The following NKAIN2 variants were observed in gnomAD, a reference collection of about 807,000 sequenced individuals.
NKAIN2 encodes the protein sodium/potassium-transporting ATPase subunit beta-1-interacting protein 2.
In NKAIN2, 14 loss-of-function variants were observed where a neutral mutation model predicts 32.6. The ratio of observed to expected loss-of-function variants is 0.43; its 90% CI spans 0.28 to 0.67. The LOEUF is 0.67. Ranked by LOEUF, NKAIN2 falls within the 30% of genes least tolerant of loss-of-function variation. The probability of loss-of-function intolerance (pLI) is 0.17; values close to 1 mark genes in which losing one functional copy is unlikely to be tolerated. For missense variants in NKAIN2, 198 were observed against 258.3 expected (o/e 0.77, Z 1.60); for synonymous variants, 80 against 87.2 (o/e 0.92, Z 0.46).
chr6:124,030,319 T>G (rs1017923506), intron 1 of NKAIN2, among the ~76,000 whole-genome samples: 6 of 152,168 alleles, frequency 3.9e-5, no homozygotes, highest in Non-Finnish European at 5.9e-5. Flanking sequence ...AAATATTGTT[T>G]TCCACGAAAC....
chr6:124,371,441 C>T (rs1176397591), intron 3 of NKAIN2, among the ~76,000 whole-genome samples: 1 of 151,938 alleles, frequency 6.6e-6, no homozygotes, highest in Non-Finnish European at 1.5e-5. Flanking sequence ...CACCTGTAAT[C>T]CCAGCACTTT....
intron 1 of NKAIN2, among the ~76,000 whole-genome samples, chr6:124,000,276 A>G (rs978161763): frequency 6.6e-6 from 1 of 152,098 alleles, no homozygotes; most frequent in East Asian, 1.9e-4. Context: ...AAAAAGTCCC[A>G]GATAAAGTGT....
intron 4 of NKAIN2, among the ~76,000 whole-genome samples, chr6:124,728,563 TA>T (rs1776458786): frequency 1.1e-5 from 1 of 92,306 alleles, no homozygotes; most frequent in Non-Finnish European, 2.2e-5. Flanking sequence ...AAGCAGTGTG[TA>T]GAGGGAAATT....
At chr6:124,300,410 C>T (rs1796245896) in intron 2 of NKAIN2, among the ~76,000 whole-genome samples, 1 of 152,128 alleles carries the variant, frequency 6.6e-6, no homozygotes, top group South Asian at 2.1e-4. Context: ...AACCTCTTCC[C>T]AGTATTAATT....
At chr6:123,892,785 A>G (rs1456794361) in intron 1 of NKAIN2, among the ~76,000 whole-genome samples, 1 of 151,808 alleles carries the variant, frequency 6.6e-6, no homozygotes, top group African/African-American at 2.4e-5. Context: ...TAGCATGTAC[A>G]GATGCTAGTC....
At chr6:124,237,089 C>G (rs1237139405) in intron 1 of NKAIN2, among the ~76,000 whole-genome samples, 1 of 152,104 alleles carries the variant, frequency 6.6e-6, no homozygotes, top group East Asian at 1.9e-4. Context: ...ATCATTGAGA[C>G]ATACTATGGA....
At position 124,664,464 on chromosome 6, in the gene NKAIN2, T is replaced by C. The variant is rs189814570; in HGVS notation, c.474+6078T>C. The stretch of plus-strand genomic sequence containing the variant: ...TGGGAAAAAATCAAATTTAAGCTTA[T>C]ACATATTTAACATATATACAAATTT... On this transcript the variant is annotated intron_variant, in intron 4 of 6. Transcript: ENST00000368417. Among the ~76,000 whole-genome samples, 41 of 152,126 alleles carry C rather than the reference T, an allele frequency of 2.7e-4. 1 individual carries two copies. Among genetic ancestry groups the C allele is most frequent in the Admixed American group, 1.2e-3 (18 of 15,278 alleles).
chr6:124,584,670 A>AAAAGACATAC (rs1554229663), intron 3 of NKAIN2, among the ~76,000 whole-genome samples: 3,589 of 151,198 alleles, frequency 0.024, 72 homozygotes, highest in Non-Finnish European at 0.037. Context: ...AAAAAAAAAA[A>AAAAGACATAC]AAAGACATAC....
chr6:124,521,112 G>A (rs754211758), intron 3 of NKAIN2, among the ~76,000 whole-genome samples: 2 of 152,108 alleles, frequency 1.3e-5, no homozygotes, highest in African/African-American at 4.8e-5. Context: ...TTTCCAATTT[G>A]TATGCTTTTT....
At chr6:124,641,197 TAATTCA>T (rs1470524747) in intron 3 of NKAIN2, among the ~76,000 whole-genome samples, 1 of 152,180 alleles carries the variant, frequency 6.6e-6, no homozygotes, top group East Asian at 1.9e-4. Flanking sequence ...CTCAAAGTAT[TAATTCA>T]AACGAAGAGA....
chr6:124,730,878 AC>A (rs2114662728), intron 4 of NKAIN2, among the ~76,000 whole-genome samples: 1 of 139,486 alleles, frequency 7.2e-6, no homozygotes, highest in East Asian at 2.3e-4. Context: ...AAAACAAACA[AC>A]CCCATCAAAA....
intron 4 of NKAIN2, among the ~76,000 whole-genome samples, chr6:124,719,214 T>G (rs1305690273): frequency 6.6e-6 from 1 of 152,232 alleles, no homozygotes; most frequent in African/African-American, 2.4e-5. Context: ...GTAACCATTC[T>G]ATCCCAACCT....
intron 2 of NKAIN2, among the ~76,000 whole-genome samples, chr6:124,305,685 G>A (rs1456491399): frequency 6.6e-6 from 1 of 152,176 alleles, no homozygotes; most frequent in African/African-American, 2.4e-5. Flanking sequence ...GTAGACTGCT[G>A]ATCTTGATAC....
chr6:124,070,656 C>A (rs866837174), intron 1 of NKAIN2, among the ~76,000 whole-genome samples: 1 of 152,122 alleles, frequency 6.6e-6, no homozygotes, highest in African/African-American at 2.4e-5. Context: ...GACTATCACA[C>A]CTAAGTTCAA....
intron 3 of NKAIN2, among the ~76,000 whole-genome samples, chr6:124,638,047 T>C (rs1368377978): frequency 6.6e-6 from 1 of 152,140 alleles, no homozygotes; most frequent in Non-Finnish European, 1.5e-5. Flanking sequence ...AAACATAGTA[T>C]TGGTTCAAGA....
chr6:123,979,470 A>G (rs886515422), intron 1 of NKAIN2, among the ~76,000 whole-genome samples: 3 of 152,130 alleles, frequency 2.0e-5, no homozygotes, highest in Non-Finnish European at 2.9e-5. Context: ...CAATTTGGAC[A>G]ATTTCAGTTC....
chr6:124,363,277 G>A (rs1472972352), intron 3 of NKAIN2, among the ~76,000 whole-genome samples: 1 of 152,124 alleles, frequency 6.6e-6, no homozygotes, highest in African/African-American at 2.4e-5. Flanking sequence ...AAACAACAGA[G>A]ATCTGTTAAA....
chr6:123,954,171 T>C (rs11154200), intron 1 of NKAIN2, among the ~76,000 whole-genome samples: 37,626 of 152,170 alleles, frequency 0.25, 5,801 homozygotes, highest in East Asian at 0.61. Context: ...AGGGCTGTTT[T>C]GTGTCCTGGG....
intron 1 of NKAIN2, among the ~76,000 whole-genome samples, chr6:124,096,307 A>G (rs1443045262): frequency 6.6e-6 from 1 of 152,090 alleles, no homozygotes; most frequent in Admixed American, 6.6e-5. Flanking sequence ...TTGCCATCCC[A>G]TGGCCTACTT....
Sources: allele counts gnomAD v4.1 joint callset (sites outside exome capture counted in the v4.1 genomes callset), GRCh38; gene constraint gnomAD v4.1.1; transcripts MANE v1.5; gene names NCBI Gene and HGNC (gene_info 2026-07-23, HGNC 2026-07-21).